The following DLG2 variants were observed in gnomAD, a reference collection of about 807,000 sequenced individuals.
DLG2 encodes disks large homolog 2.
A neutral mutation model predicts 132.5 loss-of-function variants in DLG2; 45 were observed. That is an observed-to-expected ratio of 0.34 (90% CI 0.27 to 0.44). The LOEUF is 0.44. DLG2 is among the 20% of genes least tolerant of loss of function. The pLI is 1.00. For missense variants in DLG2, 1,045 were observed against 1,196.9 expected (o/e 0.87, Z 1.87); for synonymous variants, 424 against 419.6 (o/e 1.01, Z -0.13).
intron 5 of DLG2, among the ~76,000 whole-genome samples, chr11:85,122,556 T>C (rs1212401212): frequency 6.6e-6 from 1 of 152,140 alleles, no homozygotes; most frequent in Non-Finnish European, 1.5e-5. Context: ...GGGGAAACAA[T>C]GCAGACTTTA....
At chr11:85,068,593 A>G (rs1016684006) in intron 6 of DLG2, among the ~76,000 whole-genome samples, 1 of 152,098 alleles carries the variant, frequency 6.6e-6, no homozygotes, top group Non-Finnish European at 1.5e-5. Context: ...CCAACTTACA[A>G]GGGACGTGAA....
At chr11:84,570,037 T>G (rs2099474911) in intron 6 of DLG2, among the ~76,000 whole-genome samples, 1 of 152,154 alleles carries the variant, frequency 6.6e-6, no homozygotes, top group Non-Finnish European at 1.5e-5. Context: ...ATTCTGAATG[T>G]TGGAAAGGAT....
At chr11:84,849,386 A>C (rs1465551338) in intron 6 of DLG2, among the ~76,000 whole-genome samples, 1 of 152,110 alleles carries the variant, frequency 6.6e-6, no homozygotes, top group East Asian at 1.9e-4. Context: ...TACCATCCAA[A>C]ATCTAAAATC....
At chr11:84,458,529 A>G (rs961799733) in intron 7 of DLG2, among the ~76,000 whole-genome samples, 6 of 150,832 alleles carry the variant, frequency 4.0e-5, no homozygotes, top group African/African-American at 1.2e-4. Context: ...AATGTTATTA[A>G]TTTATTTGAA....
intron 19 of DLG2, among the ~76,000 whole-genome samples, chr11:83,589,121 A>T (rs2097143232): frequency 6.7e-6 from 1 of 150,040 alleles, no homozygotes; most frequent in Non-Finnish European, 1.5e-5. Context: ...CAACGTTCAG[A>T]TTCAGGAAAT....
chr11:84,749,689 A>T (rs2065855879), intron 6 of DLG2, among the ~76,000 whole-genome samples: 1 of 152,106 alleles, frequency 6.6e-6, no homozygotes, highest in Admixed American at 6.6e-5. Flanking sequence ...CCCTCTCGTT[A>T]AGTGATGCAT....
At chr11:84,704,787 T>C (rs1349476613) in intron 6 of DLG2, among the ~76,000 whole-genome samples, 2 of 151,170 alleles carry the variant, frequency 1.3e-5, no homozygotes, top group African/African-American at 2.4e-5. Context: ...CACTTCTTGA[T>C]TGGTTCTTCT....
At chr11:84,393,867 A>G (rs2098801618) in intron 7 of DLG2, among the ~76,000 whole-genome samples, 1 of 152,102 alleles carries the variant, frequency 6.6e-6, no homozygotes, top group African/African-American at 2.4e-5. Context: ...TATTGTCATC[A>G]TATTTTTACT....
chr11:83,789,539 C>G (rs199584249), intron 17 of DLG2, among the ~76,000 whole-genome samples: 1 of 87,500 alleles, frequency 1.1e-5, no homozygotes, highest in East Asian at 2.7e-4. Flanking sequence ...CACCCCTAAA[C>G]AAACTGATGA....
chr11:84,105,266 C>T (rs2092822052), intron 9 of DLG2, among the ~76,000 whole-genome samples: 1 of 152,048 alleles, frequency 6.6e-6, no homozygotes, highest in African/African-American at 2.4e-5. Context: ...TCGTTTTAAC[C>T]TGGGTTTGCA....
At chr11:85,179,430 G>A (rs1032424111) in intron 4 of DLG2, among the ~76,000 whole-genome samples, 4 of 151,824 alleles carry the variant, frequency 2.6e-5, no homozygotes, top group African/African-American at 7.3e-5. Context: ...GTATTGTATG[G>A]ATATGAGAGA....
chr11:84,888,266 C>T (rs944833680), intron 6 of DLG2, among the ~76,000 whole-genome samples: 72 of 152,124 alleles, frequency 4.7e-4, no homozygotes, highest in African/African-American at 1.7e-3. Context: ...GATCGACTCT[C>T]ACCAATGTGG....
chr11:85,607,315 G>A lies in DLG2; in HGVS notation c.-92-8527C>T, dbSNP rs1242525090. Among the ~76,000 whole-genome samples the A allele has an allele frequency of 8.5e-5, 13 of 152,154 alleles. No homozygotes were observed. In the South Asian group the frequency reaches 1.0e-3, roughly 12 times the overall value. On this transcript the variant is annotated intron_variant, in intron 2 of 27. Transcript: ENST00000376104. ...CCTGGAACCAGCTTCTGCATTTCCCGTACTTCTGGGCTGAGCCAAGGGTCG... is the reference window on the plus strand; with the variant it reads ...CCTGGAACCAGCTTCTGCATTTCCCATACTTCTGGGCTGAGCCAAGGGTCG...
chr11:84,611,238 G>T (rs1240834385), intron 6 of DLG2, among the ~76,000 whole-genome samples: 2 of 151,964 alleles, frequency 1.3e-5, no homozygotes, highest in African/African-American at 4.8e-5. Context: ...TATAGTTTGA[G>T]GTCAGCAAAC....
At chr11:83,505,063 G>C (rs146918990) in intron 21 of DLG2, among the ~76,000 whole-genome samples, 219 of 152,292 alleles carry the variant, frequency 1.4e-3, no homozygotes, top group Non-Finnish European at 2.3e-3. Context: ...CATGACAGTG[G>C]ATAAGGCACT....
At chr11:85,253,711 G>T (rs891277146) in intron 4 of DLG2, among the ~76,000 whole-genome samples, 1 of 152,166 alleles carries the variant, frequency 6.6e-6, no homozygotes, top group Non-Finnish European at 1.5e-5. Context: ...CCGAGTTCTT[G>T]TCTGGTATCC....
chr11:83,674,958 T>C (rs1230270655), intron 18 of DLG2, among the ~76,000 whole-genome samples: 1 of 152,228 alleles, frequency 6.6e-6, no homozygotes, highest in African/African-American at 2.4e-5. Context: ...GAAAAAAGAA[T>C]GTTTTATCAT....
intron 3 of DLG2, among the ~76,000 whole-genome samples, chr11:85,479,570 A>T (rs1230906876): frequency 6.6e-6 from 1 of 152,248 alleles, no homozygotes; most frequent in Admixed American, 6.5e-5. Context: ...TAGAAAACGG[A>T]TTCATTATGA....
chr11:83,984,009 C>A (rs1483460905), intron 11 of DLG2, among the ~76,000 whole-genome samples: 1 of 152,002 alleles, frequency 6.6e-6, no homozygotes, highest in Non-Finnish European at 1.5e-5. Context: ...TTCAGAGACT[C>A]CAATTTACAT....
Sources: allele counts gnomAD v4.1 joint callset (sites outside exome capture counted in the v4.1 genomes callset), GRCh38; gene constraint gnomAD v4.1.1; transcripts MANE v1.5; gene names NCBI Gene and HGNC (gene_info 2026-07-23, HGNC 2026-07-21).